C1D: variants seen among roughly 807,000 people sequenced by gnomAD.
The protein encoded by C1D is nuclear nucleic acid-binding protein C1D.
Under a neutral mutation model 17.5 loss-of-function variants are expected in C1D, and 10 were observed. That is an observed-to-expected ratio of 0.57 (90% CI 0.35 to 0.97). The LOEUF is 0.97. C1D is among the 50% of genes least tolerant of loss of function. The probability of loss-of-function intolerance (pLI) is 0.01; values close to 1 mark genes in which losing one functional copy is unlikely to be tolerated. For missense variants in C1D, 136 were observed against 160.1 expected, an observed-to-expected ratio of 0.85 and a Z score of 0.81; for synonymous variants, 49 against 54.0, an observed-to-expected ratio of 0.91 and a Z score of 0.40.
intron 1 of C1D, among the ~76,000 whole-genome samples, chr2:68,051,723 C>T (rs567423573): frequency 2.0e-4 from 31 of 152,106 alleles, no homozygotes; most frequent in African/African-American, 6.8e-4. Flanking sequence ...CTCTCTTCCT[C>T]CCTTACCAAT....
chr2:68,046,662 A>T (rs1671131016), intron 2 of C1D: 1 of 394,894 alleles, frequency 2.5e-6, no homozygotes, highest in Admixed American at 4.2e-5. Flanking sequence ...GAAAGTGCAT[A>T]ACCCAAGAAA....
At chr2:68,053,289 G>A (rs1379470226) in intron 1 of C1D, 18 of 1,389,530 alleles carry the variant, frequency 1.3e-5, no homozygotes, top group African/African-American at 2.9e-5. Context: ...TCCTCTCACT[G>A]GTTATACAGA....
chr2:68,050,115 C>CT (rs1162993774), intron 1 of C1D, among the ~76,000 whole-genome samples: 1 of 152,104 alleles, frequency 6.6e-6, no homozygotes, highest in Non-Finnish European at 1.5e-5. Context: ...TGCACATACC[C>CT]TTTGACTCAG....
Position 68,047,029 on chromosome 2 carries a change from C to T in C1D, c.138+144G>A, listed in dbSNP as rs561555376. 5 of 661,162 alleles carry T rather than the reference C, an allele frequency of 7.6e-6. 1 individual carries two copies. Among genetic ancestry groups the T allele is most frequent in the Middle Eastern group, 4.5e-4 (1 of 2,236 alleles). The allele number at this position is 661,162 out of a possible 1,614,324, so 41.0% of individuals were successfully genotyped here. A position where few individuals can be genotyped will look rare whatever the true frequency, so the allele number is the denominator to read the frequency against. On this transcript the variant is annotated intron_variant, in intron 2 of 4. Coordinates refer to ENST00000410067, the MANE Select transcript of C1D (RefSeq NM_173177.3). ...GAGTTTTCTTTTGTTTTGTTTCCCC[C>T]CTAAAAATACCCAAACACTAATAAA...
intron 1 of C1D, among the ~76,000 whole-genome samples, chr2:68,049,664 T>C (rs1671228101): frequency 6.6e-6 from 1 of 152,198 alleles, no homozygotes; most frequent in South Asian, 2.1e-4. Context: ...CTATGGTATT[T>C]AGCTGTTTAA....
chr2:68,043,561 A>G (rs1336697593), intron 4 of C1D, among the ~76,000 whole-genome samples: 1 of 152,184 alleles, frequency 6.6e-6, no homozygotes, highest in East Asian at 1.9e-4. Flanking sequence ...GAAAATACAA[A>G]TTATTCAATT....
chr2:68,046,154 TTTAAA>T (rs1208388907), intron 3 of C1D, 111 bp from the exon 4 acceptor site: 5 of 883,402 alleles, frequency 5.7e-6, no homozygotes, highest in Non-Finnish European at 6.9e-6. Flanking sequence ...ACAATTAAAC[TTTAAA>T]TTATTCAATT....
At chr2:68,060,581 T>C (rs546916928) in intron 1 of C1D, among the ~76,000 whole-genome samples, 51 of 148,742 alleles carry the variant, frequency 3.4e-4, no homozygotes, top group Admixed American at 6.7e-4. Flanking sequence ...AGGCGGAGGT[T>C]GCAGTGAGCC....
intron 1 of C1D, chr2:68,053,363 G>A: frequency 1.3e-6 from 1 of 743,446 alleles, no homozygotes; most frequent in Non-Finnish European, 2.0e-6. Flanking sequence ...GAAGTCATCA[G>A]CTACCTCTTT....
At chr2:68,054,991 A>AAAG (rs1671399219) in intron 1 of C1D, among the ~76,000 whole-genome samples, 2 of 151,526 alleles carry the variant, frequency 1.3e-5, no homozygotes, top group African/African-American at 4.9e-5. Flanking sequence ...AAAAAAAAAA[A>AAAG]AAGACTATTG....
intron 1 of C1D, among the ~76,000 whole-genome samples, chr2:68,060,036 C>A (rs1296145180): frequency 3.3e-5 from 5 of 152,222 alleles, no homozygotes; most frequent in Admixed American, 3.3e-4. Context: ...AATCTTCCCA[C>A]AAACCTGCCC....
rs1670954052 is a variant in C1D, at chr2:68,041,356, T to C, written c.*1533A>G. On this transcript the variant is annotated 3_prime_UTR_variant, in exon 5 of 5. Transcript: ENST00000410067. ...ATTTTTCATTTAAGCTGTTTTTCTT[T>C]TATGAAATTAGAAAATATACAGAAA... 1 of 152,064 alleles carries C rather than the reference T, an allele frequency of 6.6e-6. No homozygotes were observed. Among genetic ancestry groups the C allele is most frequent in the Non-Finnish European group, 1.5e-5 (1 of 67,900 alleles). 9.4% of individuals were successfully genotyped at this position (152,064 alleles called of 1,614,324 possible). A position where few individuals can be genotyped will look rare whatever the true frequency, so the allele number is the denominator to read the frequency against.
intron 1 of C1D, among the ~76,000 whole-genome samples, chr2:68,062,047 TA>T (rs1671645975): frequency 6.6e-6 from 1 of 152,192 alleles, no homozygotes; most frequent in African/African-American, 2.4e-5. Context: ...GTTAAATAAC[TA>T]AAAGTATAAC....
rs372892316 is a variant in C1D, at chr2:68,061,085, T to A, written c.-10+1873A>T. ...TCTACACCAAATAATTATACACAGT[T>A]ATGAACTAAGCCAAAGAACAAATCC... is the stretch of plus-strand genomic sequence containing the variant. On this transcript the variant is annotated intron_variant, in intron 1 of 4. Transcript: ENST00000410067. Among the ~76,000 whole-genome samples the A allele has an allele frequency of 7.9e-5, 12 of 152,356 alleles. 1 individual carries two copies. In the East Asian group the frequency reaches 1.7e-3, roughly 22 times the overall value.
In C1D at chr2:68,049,196, C is replaced by CAA. The variant is rs372795126; in HGVS notation, c.-9-1879_-9-1878dup. 2.1e-3 allele frequency among the ~76,000 whole-genome samples: 196 copies of CAA among 92,492 alleles called. 1 individual carries two copies. Among genetic ancestry groups the CAA allele is most frequent in the Non-Finnish European group, 2.9e-3 (129 of 45,214 alleles). 60.7% of individuals were successfully genotyped at this position (92,492 alleles called of 152,430 possible). On this transcript the variant is annotated intron_variant, in intron 1 of 4. Transcript: ENST00000410067. ...TGGGCAACAGAGTTAGACTGTCTCT[C>CAA]AAAAAAAAAAAAAAAAGAGCAAATG... is the stretch of plus-strand genomic sequence containing the variant.
chr2:68,043,156 T>C (rs1421290119), intron 4 of C1D, 103 bp from the exon 5 acceptor site: 3 of 859,938 alleles, frequency 3.5e-6, no homozygotes, highest in Non-Finnish European at 5.3e-6. Context: ...TATGTATTTA[T>C]TGCCTATTAA....
intron 1 of C1D, 78 bp from the exon 2 acceptor site, chr2:68,047,397 G>T: frequency 9.5e-7 from 1 of 1,052,334 alleles, no homozygotes; most frequent in Non-Finnish European, 1.3e-6. Flanking sequence ...AAATCAATAG[G>T]TCATATCATG....
rs1407841583 is a variant in C1D at position 68,042,092 on chromosome 2, C to T, written c.*797G>A. On this transcript the variant is annotated 3_prime_UTR_variant, in exon 5 of 5. Coordinates refer to ENST00000410067, the MANE Select transcript of C1D (RefSeq NM_173177.3). ...AATGAGATGAAAAGAACTGTGGACA[C>T]CATGCATCAGGAACAAAAACTCAAG... The T allele has an allele frequency of 1.3e-5, 2 of 151,896 alleles. No individual in the cohort carries two copies. Among genetic ancestry groups the T allele is most frequent in the East Asian group, 3.9e-4 (2 of 5,192 alleles). The allele number at this position is 151,896 out of a possible 1,614,324, so 9.4% of individuals were successfully genotyped here.
At chr2:68,050,972 C>A (rs1671262667) in intron 1 of C1D, among the ~76,000 whole-genome samples, 1 of 152,186 alleles carries the variant, frequency 6.6e-6, no homozygotes, top group Non-Finnish European at 1.5e-5. Context: ...TACTCTCTCT[C>A]ACTTCATCTT....
Sources: allele counts gnomAD v4.1 joint callset (sites outside exome capture counted in the v4.1 genomes callset), GRCh38; gene constraint gnomAD v4.1.1; transcripts MANE v1.5; gene names NCBI Gene and HGNC (gene_info 2026-07-23, HGNC 2026-07-21).